Variants in FMN1 observed in about 807,000 individuals in gnomAD.
FMN1 encodes the protein formin 1.
Under a neutral mutation model 132.4 loss-of-function variants are expected in FMN1, and 110 were observed. The observed-to-expected ratio is 0.83, with a 90% CI of 0.71 to 0.97. The LOEUF is 0.97. Ranked by LOEUF, FMN1 falls within the 50% of genes least tolerant of loss-of-function variation. The pLI is 0.00. For missense variants in FMN1, 1,792 were observed against 1,705.3 expected, an observed-to-expected ratio of 1.05 and a Z score of -0.90; for synonymous variants, 722 against 651.7, an observed-to-expected ratio of 1.11 and a Z score of -1.64.
At chr15:33,188,755 C>T (rs1272725134) in intron 2 of FMN1, among the ~76,000 whole-genome samples, 2 of 151,714 alleles carry the variant, frequency 1.3e-5, no homozygotes, top group African/African-American at 2.4e-5. Flanking sequence ...TTTTCGTAGG[C>T]TGCAGGGCTG....
At chr15:33,085,281 A>G (rs899597880) in intron 5 of FMN1, among the ~76,000 whole-genome samples, 4 of 152,118 alleles carry the variant, frequency 2.6e-5, no homozygotes, top group African/African-American at 9.7e-5. Flanking sequence ...GAATCCTTTC[A>G]GATAGAAACC....
chr15:33,016,872 G>A (rs1249960192), intron 6 of FMN1, among the ~76,000 whole-genome samples: 3 of 152,176 alleles, frequency 2.0e-5, no homozygotes, highest in Non-Finnish European at 4.4e-5. Flanking sequence ...GCCCAGTACT[G>A]TCTGTTGAAC....
rs372079375 is a variant in FMN1 at position 32,890,727 on chromosome 15, A to G, written c.3715-2435T>C. On this transcript the variant is annotated intron_variant, in intron 15 of 20. Coordinates refer to ENST00000616417, the MANE Select transcript of FMN1 (RefSeq NM_001277313.2). ...CTTAGGTTGCCCCTTTTGAGGTACC[A>G]AAGCTCTTTGGTTTAACTAAGTCCC... Among the ~76,000 whole-genome samples the G allele has an allele frequency of 3.0e-4, 46 of 152,286 alleles. 1 individual carries two copies. The South Asian group carries it at 7.9e-3, about 26-fold the overall frequency.
chr15:32,897,879 G>C (rs1452797613), intron 15 of FMN1, among the ~76,000 whole-genome samples: 2 of 152,204 alleles, frequency 1.3e-5, no homozygotes, highest in African/African-American at 4.8e-5. Context: ...CAACTCAGTG[G>C]AAGGACAGAG....
chr15:32,783,183 C>T (rs2056726436), intron 19 of FMN1, among the ~76,000 whole-genome samples: 2 of 152,026 alleles, frequency 1.3e-5, no homozygotes, highest in Admixed American at 1.3e-4. Flanking sequence ...ATATGGCAAT[C>T]CTTACAAAAG....
At chr15:32,810,968 C>T (rs770924850) in intron 17 of FMN1, 15 of 456,066 alleles carry the variant, frequency 3.3e-5, no homozygotes, top group East Asian at 2.1e-4. Flanking sequence ...AAAGGGACTG[C>T]GCTCTGCTTC....
At chr15:33,188,778 G>C (rs1965977180) in intron 2 of FMN1, among the ~76,000 whole-genome samples, 1 of 152,036 alleles carries the variant, frequency 6.6e-6, no homozygotes, top group Non-Finnish European at 1.5e-5. Context: ...ACTTCCTAAA[G>C]AGAAGTTGAG....
intron 16 of FMN1, among the ~76,000 whole-genome samples, chr15:32,861,738 C>T (rs921035251): frequency 6.6e-6 from 1 of 152,168 alleles, no homozygotes; most frequent in Admixed American, 6.5e-5. Context: ...GTGCAAATCT[C>T]CTGTTTAGAA....
intron 9 of FMN1, among the ~76,000 whole-genome samples, chr15:32,954,271 C>T (rs957918129): frequency 1.3e-5 from 2 of 152,178 alleles, no homozygotes; most frequent in South Asian, 2.1e-4. Flanking sequence ...TTCCTGAACC[C>T]CCATGTACCT....
chr15:32,865,551 A>G (rs2059372484), intron 16 of FMN1, among the ~76,000 whole-genome samples: 1 of 152,148 alleles, frequency 6.6e-6, no homozygotes, highest in Non-Finnish European at 1.5e-5. Context: ...AAAATAAAAG[A>G]CCTGGCCGGG....
chr15:32,950,305 C>G (rs2061623424), intron 9 of FMN1, among the ~76,000 whole-genome samples: 1 of 151,522 alleles, frequency 6.6e-6, no homozygotes, highest in East Asian at 1.9e-4. Context: ...ACAGACAGAA[C>G]TGCCATTAGA....
chr15:32,826,840 C>T (rs1372971568), intron 17 of FMN1, among the ~76,000 whole-genome samples: 1 of 152,176 alleles, frequency 6.6e-6, no homozygotes, highest in Non-Finnish European at 1.5e-5. Flanking sequence ...CCCAGTTTTC[C>T]TAGCGCTGGC....
chr15:32,984,591 T>C (rs1430540682), intron 7 of FMN1, among the ~76,000 whole-genome samples: 2 of 152,176 alleles, frequency 1.3e-5, no homozygotes, highest in African/African-American at 4.8e-5. Context: ...AATATCATAT[T>C]GGATACAACT....
At chr15:32,932,455 T>C (rs549911060) in intron 9 of FMN1, among the ~76,000 whole-genome samples, 3 of 152,342 alleles carry the variant, frequency 2.0e-5, no homozygotes, top group African/African-American at 7.2e-5. Context: ...GCTAATGACC[T>C]GTAGTTTTCT....
At chr15:32,873,986 A>G (rs2059578602) in intron 16 of FMN1, among the ~76,000 whole-genome samples, 1 of 142,000 alleles carries the variant, frequency 7.0e-6, no homozygotes, top group Non-Finnish European at 1.5e-5. Flanking sequence ...TGAATACGCC[A>G]TTGGTTATGA....
At chr15:32,911,354 C>CCA (rs2060557800) in intron 10 of FMN1, among the ~76,000 whole-genome samples, 1 of 151,984 alleles carries the variant, frequency 6.6e-6, no homozygotes, top group Non-Finnish European at 1.5e-5. Flanking sequence ...CCCTACCTCC[C>CCA]TTCCCTGACT....
At chr15:33,024,223 A>ATT (rs555760509) in intron 6 of FMN1, among the ~76,000 whole-genome samples, 937 of 87,954 alleles carry the variant, frequency 0.011, 141 homozygotes, top group Non-Finnish European at 0.016. Flanking sequence ...CACCTATCAG[A>ATT]TTTTTTTTTT....
At chr15:33,179,597 A>C (rs1265586271) in intron 3 of FMN1, among the ~76,000 whole-genome samples, 3 of 152,134 alleles carry the variant, frequency 2.0e-5, no homozygotes, top group Non-Finnish European at 4.4e-5. Context: ...GTCATCTGCC[A>C]CATTATATTT....
chr15:32,986,384 C>G (rs1252042436), intron 7 of FMN1, among the ~76,000 whole-genome samples: 2 of 152,008 alleles, frequency 1.3e-5, no homozygotes, highest in Non-Finnish European at 2.9e-5. Flanking sequence ...ATTCCCTGAC[C>G]ACAGGGCATC....
Sources: allele counts gnomAD v4.1 joint callset (sites outside exome capture counted in the v4.1 genomes callset), GRCh38; gene constraint gnomAD v4.1.1; transcripts MANE v1.5; gene names NCBI Gene and HGNC (gene_info 2026-07-23, HGNC 2026-07-21).